TMPRSS11D: variants seen among roughly 807,000 people sequenced by gnomAD.
TMPRSS11D encodes transmembrane serine protease 11D, also known as transmembrane protease serine 11D.
Under a neutral mutation model 44.4 loss-of-function variants are expected in TMPRSS11D, and 32 were observed. The ratio of observed to expected loss-of-function variants is 0.72; its 90% CI spans 0.54 to 0.97. The LOEUF is 0.97. Among genes scored for constraint, TMPRSS11D ranks in the 50% least tolerant of loss-of-function variants. The pLI, the probability that TMPRSS11D is intolerant of heterozygous loss-of-function variation, is 0.00. For missense variants in TMPRSS11D, 446 were observed against 502.6 expected (o/e 0.89, Z 1.08); for synonymous variants, 179 against 177.9 (o/e 1.01, Z -0.05).
intron 3 of TMPRSS11D, among the ~76,000 whole-genome samples, chr4:67,844,427 C>G (rs979961326): frequency 6.6e-6 from 1 of 151,904 alleles, no homozygotes; most frequent in Non-Finnish European, 1.5e-5. Context: ...TATCAAAGTA[C>G]TTTATGTTTC....
rs1717625310 is a variant in TMPRSS11D at position 67,821,191 on chromosome 4, T to C, written c.*1146A>G. On this transcript the variant is annotated 3_prime_UTR_variant, in exon 10 of 10. Transcript: ENST00000283916. Reference sequence around the variant, plus strand: ...TTAGTGATTCAGACTACAGAGATTTTCATGCCATTACATTTTAGTGGATTT... The same window carrying C: ...TTAGTGATTCAGACTACAGAGATTTCCATGCCATTACATTTTAGTGGATTT... 1 of 152,216 alleles carries C rather than the reference T, an allele frequency of 6.6e-6. No individual in the cohort carries two copies. Among genetic ancestry groups the C allele is most frequent in the African/African-American group, 2.4e-5 (1 of 41,454 alleles). 9.4% of individuals were successfully genotyped at this position (152,216 alleles called of 1,614,324 possible). A position where few individuals can be genotyped will look rare whatever the true frequency, so the allele number is the denominator to read the frequency against.
chr4:67,839,534 T>TTGAAATGGAATTTATTA (rs1718179914), intron 4 of TMPRSS11D, among the ~76,000 whole-genome samples: 1 of 152,000 alleles, frequency 6.6e-6, no homozygotes, highest in Non-Finnish European at 1.5e-5. Context: ...TGTTTAGCAT[T>TTGAAATGGAATTTATTA]TACATAGAGA....
chr4:67,869,398 A>T (rs1719002194), intron 1 of TMPRSS11D, among the ~76,000 whole-genome samples: 1 of 152,162 alleles, frequency 6.6e-6, no homozygotes, highest in South Asian at 2.1e-4. Flanking sequence ...AAGAAGAAAC[A>T]ACTGGCAATT....
intron 7 of TMPRSS11D, among the ~76,000 whole-genome samples, chr4:67,828,260 C>T (rs1165292788): frequency 6.6e-6 from 1 of 151,938 alleles, no homozygotes; most frequent in African/African-American, 2.4e-5. Context: ...AACATGAATG[C>T]TGCTAAAATT....
At chr4:67,845,307 C>T (rs1346557872) in intron 3 of TMPRSS11D, among the ~76,000 whole-genome samples, 3 of 152,098 alleles carry the variant, frequency 2.0e-5, no homozygotes, top group African/African-American at 4.8e-5. Context: ...TTAACAAATG[C>T]TTGGTAAGAA....
At position 67,857,306 on chromosome 4, in the gene TMPRSS11D, TATATATATATATATATACACACAC is replaced by T. The variant is rs1560545209; in HGVS notation, c.130+2227_130+2250del. 9.1e-3 allele frequency among the ~76,000 whole-genome samples: 704 copies of T among 77,642 alleles called. 47 individuals are homozygous for T. The South Asian group carries it at 0.094, about 10-fold the overall frequency. The allele number at this position is 77,642 out of a possible 152,430, so 50.9% of individuals were successfully genotyped here. ...ATATATATATATATATATATATATA[TATATATATATATATATACACACAC>T]ACACACACACACACACATACACAAT... On this transcript the variant is annotated intron_variant, in intron 2 of 9. Coordinates refer to ENST00000283916, the MANE Select transcript of TMPRSS11D (RefSeq NM_004262.3).
At chr4:67,873,020 G>A (rs561987499) in intron 1 of TMPRSS11D, among the ~76,000 whole-genome samples, 1 of 152,256 alleles carries the variant, frequency 6.6e-6, no homozygotes, top group East Asian at 1.9e-4. Context: ...TTGGACTCAT[G>A]GAGATGTGTC....
At chr4:67,840,384 A>G (rs546757629) in intron 4 of TMPRSS11D, among the ~76,000 whole-genome samples, 2 of 152,218 alleles carry the variant, frequency 1.3e-5, no homozygotes, top group Middle Eastern at 3.4e-3. Flanking sequence ...ACATGTGGGT[A>G]TTATGGGAAC....
intron 3 of TMPRSS11D, among the ~76,000 whole-genome samples, chr4:67,848,861 T>C (rs1281946531): frequency 1.3e-5 from 2 of 152,220 alleles, no homozygotes; most frequent in Non-Finnish European, 2.9e-5. Flanking sequence ...GGTTTTATCA[T>C]AAACAATGGG....
intron 1 of TMPRSS11D, among the ~76,000 whole-genome samples, chr4:67,873,147 A>G (rs1206325144): frequency 1.3e-5 from 2 of 152,216 alleles, no homozygotes; most frequent in Non-Finnish European, 2.9e-5. Context: ...CTCTTTGCAC[A>G]TTTCCAATTC....
Position 67,821,741 on chromosome 4 carries a change from TGGAA to T in TMPRSS11D, c.*592_*595del, listed in dbSNP as rs757902196. The T allele has an allele frequency of 1.3e-5, 2 of 152,140 alleles. No individual in the cohort carries two copies. The highest frequency in any genetic ancestry group is 2.4e-5 in the African/African-American group (1 of 41,430). The allele number at this position is 152,140 out of a possible 1,614,324, so 9.4% of individuals were successfully genotyped here. ...GCTGAAAATTATCCACTATTTCCTA[TGGAA>T]GCATGTTCTTACAGAATAATTAAGG... is the stretch of plus-strand genomic sequence containing the variant. On this transcript the variant is annotated 3_prime_UTR_variant, in exon 10 of 10. Transcript: ENST00000283916.
At chr4:67,828,510 G>C (rs2874031) in intron 7 of TMPRSS11D, among the ~76,000 whole-genome samples, 122,918 of 152,040 alleles carry the variant, frequency 0.81, 50,340 homozygotes, top group Middle Eastern at 0.91. Context: ...AATTAACTGT[G>C]AGAAACAATA....
intron 1 of TMPRSS11D, among the ~76,000 whole-genome samples, chr4:67,877,241 T>A (rs904508086): frequency 6.6e-6 from 1 of 152,196 alleles, no homozygotes; most frequent in African/African-American, 2.4e-5. Context: ...TCCTGGGTGT[T>A]CTCCTTTCTC....
intron 4 of TMPRSS11D, chr4:67,839,172 A>G (rs551488087): frequency 6.6e-6 from 1 of 152,240 alleles, no homozygotes; most frequent in East Asian, 1.9e-4. Context: ...ATATGAATTT[A>G]ATATTTATTT....
chr4:67,836,571 A>G (rs1718096500), intron 5 of TMPRSS11D, among the ~76,000 whole-genome samples: 1 of 152,156 alleles, frequency 6.6e-6, no homozygotes, highest in African/African-American at 2.4e-5. Context: ...GAACAAACAG[A>G]CTTAGTTTGA....
intron 2 of TMPRSS11D, among the ~76,000 whole-genome samples, chr4:67,857,457 A>G (rs1361193283): frequency 2.0e-5 from 3 of 151,882 alleles, no homozygotes; most frequent in African/African-American, 7.3e-5. Context: ...AAGCACAGAA[A>G]GACAAAATTA....
chr4:67,842,805 T>C (rs1199946848), intron 3 of TMPRSS11D, among the ~76,000 whole-genome samples, 180 bp from the exon 4 acceptor site: 1 of 152,232 alleles, frequency 6.6e-6, no homozygotes, highest in East Asian at 1.9e-4. Flanking sequence ...AACCTTTTGA[T>C]GCAGTACCTA....
intron 3 of TMPRSS11D, among the ~76,000 whole-genome samples, chr4:67,853,066 T>C (rs527508220): frequency 2.6e-5 from 4 of 152,220 alleles, no homozygotes; most frequent in South Asian, 2.1e-4. Context: ...TAAGAATAAG[T>C]GGGGCACACG....
chr4:67,836,308 AT>A (rs1413300996), intron 5 of TMPRSS11D, among the ~76,000 whole-genome samples: 2 of 152,162 alleles, frequency 1.3e-5, no homozygotes, highest in African/African-American at 4.8e-5. Flanking sequence ...TTTTAAAAAA[AT>A]GTTATGTTAG....
Sources: gnomAD v4.1 joint callset for allele counts (sites outside exome capture counted in the v4.1 genomes callset) on GRCh38, gnomAD v4.1.1 for gene constraint, MANE v1.5 for transcripts, NCBI Gene and HGNC (gene_info 2026-07-23, HGNC 2026-07-21) for gene names.